Variants in CCNH observed in about 807,000 individuals in gnomAD.
CCNH encodes the protein cyclin-H.
In CCNH, 31 loss-of-function variants were observed where a neutral mutation model predicts 41.9. The ratio of observed to expected loss-of-function variants is 0.74; its 90% CI spans 0.56 to 1.00. CCNH has a LOEUF of 1.00. Ranked by LOEUF, CCNH falls within the 50% of genes least tolerant of loss-of-function variation. CCNH has a pLI of 0.00. For synonymous variants in CCNH, 138 were observed against 136.1 expected (o/e 1.01, Z -0.10); for missense variants, 362 against 388.4 (o/e 0.93, Z 0.57).
intron 2 of CCNH, 131 bp from the exon 3 acceptor site, chr5:87,409,494 T>C: frequency 1.9e-6 from 1 of 533,638 alleles, no homozygotes; most frequent in Non-Finnish European, 3.3e-6. Flanking sequence ...TACTCATTAA[T>C]TCTTCTTTAA....
downstream of CCNH, chr5:87,394,262 T>C: frequency 7.8e-7 from 1 of 1,283,688 alleles, no homozygotes; most frequent in Non-Finnish European, 9.9e-7. Context: ...TCAAAACAGG[T>C]GCTATTCTAG....
At position 87,346,799 on chromosome 5, in the gene CCNH, GT is replaced by G. The variant is rs1580320577; in HGVS notation, c.*91-27903del. Reference sequence around the variant, plus strand: ...AAAGTGAACAAACCATTTATCATGTGTTTTGCCTTTAGCATTCAGTTAGTGT... The same window carrying G: ...AAAGTGAACAAACCATTTATCATGTGTTTGCCTTTAGCATTCAGTTAGTGT... On this transcript the variant is annotated intron_variant and NMD_transcript_variant, in intron 9 of 9. Coordinates refer to the CCNH transcript ENST00000645953. 7 of 1,198,544 alleles carry G rather than the reference GT, an allele frequency of 5.8e-6. No homozygotes were observed. The East Asian group carries it at 1.7e-4, about 29-fold the overall frequency. 74.2% of individuals were successfully genotyped at this position (1,198,544 alleles called of 1,614,324 possible).
intron 5 of CCNH, among the ~76,000 whole-genome samples, 189 bp from the exon 6 acceptor site, chr5:87,401,961 CTTTAAG>C (rs1763455856): frequency 6.6e-6 from 1 of 152,088 alleles, no homozygotes; most frequent in East Asian, 1.9e-4. Flanking sequence ...TTTATTGTTC[CTTTAAG>C]TTTAGTGACA....
At chr5:87,338,536 A>ATATATATATATATATATTTTTTTT in intron 9 of CCNH, among the ~76,000 whole-genome samples, 2 of 85,218 alleles carry the variant, frequency 2.3e-5, no homozygotes, top group African/African-American at 4.4e-5. Flanking sequence ...TATATATAAA[A>ATATATATATATATATATTTTTTTT]TTTTTTTTTT....
upstream of CCNH, among the ~76,000 whole-genome samples, chr5:87,381,057 G>A (rs1451956582): frequency 1.3e-5 from 2 of 152,106 alleles, no homozygotes; most frequent in African/African-American, 2.4e-5. Flanking sequence ...ACCATAATTA[G>A]GAAGAACTGC....
At chr5:87,345,059 G>C (rs1033783647) in intron 9 of CCNH, among the ~76,000 whole-genome samples, 1 of 151,616 alleles carries the variant, frequency 6.6e-6, no homozygotes, top group Non-Finnish European at 1.5e-5. Context: ...GGCTGGTCTT[G>C]GACTCTTGGG....
intron 9 of CCNH, chr5:87,353,282 A>C (rs1288436417): frequency 6.9e-7 from 1 of 1,458,532 alleles, no homozygotes; most frequent in Admixed American, 1.7e-5. Context: ...TTATTTTAAA[A>C]TGCATTTTGG....
At chr5:87,388,217 C>A (rs1324090995), downstream of CCNH, among the ~76,000 whole-genome samples, 3 of 152,164 alleles carry the variant, frequency 2.0e-5, no homozygotes, top group Non-Finnish European at 4.4e-5. Flanking sequence ...CGCTATAAAC[C>A]TTTAATCACT....
downstream of CCNH, chr5:87,394,222 T>C (rs1178982223): frequency 1.7e-6 from 2 of 1,190,470 alleles, no homozygotes; most frequent in African/African-American, 1.6e-5. Context: ...CAGCTTTAAT[T>C]TGATATTAGT....
At chr5:87,380,676 T>G (rs1761646905), upstream of CCNH, 3 of 1,256,702 alleles carry the variant, frequency 2.4e-6, no homozygotes, top group Non-Finnish European at 3.5e-6. Context: ...CAATATACAA[T>G]TCAATGCTTT....
chr5:87,319,974 A>C (rs1756665114), intron 9 of CCNH, among the ~76,000 whole-genome samples: 1 of 152,222 alleles, frequency 6.6e-6, no homozygotes, highest in Non-Finnish European at 1.5e-5. Context: ...CACATCTTGA[A>C]TGCTTTGCTG....
intron 9 of CCNH, among the ~76,000 whole-genome samples, chr5:87,356,721 T>TTA (rs1759680105): frequency 6.6e-6 from 1 of 152,174 alleles, no homozygotes; most frequent in Admixed American, 6.5e-5. Context: ...GTGTACATTG[T>TTA]TAGACATAAT....
intron 9 of CCNH, among the ~76,000 whole-genome samples, chr5:87,320,634 T>C (rs1756722205): frequency 6.6e-6 from 1 of 152,102 alleles, no homozygotes; most frequent in Admixed American, 6.6e-5. Flanking sequence ...AAGGGGAAAT[T>C]TGCCTTCATG....
At chr5:87,397,609 A>G (rs903586925) in intron 7 of CCNH, among the ~76,000 whole-genome samples, 3 of 152,108 alleles carry the variant, frequency 2.0e-5, no homozygotes, top group Non-Finnish European at 2.9e-5. Flanking sequence ...TTTTTTAAAA[A>G]AGTCCTTCGC....
At position 87,394,628 on chromosome 5, in the gene CCNH, C is replaced by CTGTT. The variant is rs370919822; in HGVS notation, c.934-148_934-145dup. 1,875 of 1,467,724 alleles carry CTGTT rather than the reference C, an allele frequency of 1.3e-3. 2 individuals carry two copies. In the Middle Eastern group the frequency reaches 0.016, roughly 12 times the overall value. The allele number at this position is 1,467,724 out of a possible 1,614,324, so 90.9% of individuals were successfully genotyped here. ...AACCAGGAAATTTTGTAATAGTTCA[C>CTGTT]TGTTAGTAATGTTGGCATGGTCTCA... On this transcript the variant is annotated intron_variant, in intron 8 of 8. Transcript: ENST00000256897.
chr5:87,409,370 G>A lies in CCNH; in HGVS notation c.241-7C>T. ...AATACATACAAGCCGTACCCTAAGGGTTAAAAAAAATATATCATCAGGATC... is the reference window on the plus strand; with the variant it reads ...AATACATACAAGCCGTACCCTAAGGATTAAAAAAAATATATCATCAGGATC... On this transcript the variant is annotated splice_polypyrimidine_tract_variant and splice_region_variant and intron_variant, in intron 2 of 8. Coordinates refer to ENST00000256897, the MANE Select transcript of CCNH (RefSeq NM_001239.4). The A allele has an allele frequency of 6.7e-7, 1 of 1,488,364 alleles. No homozygotes were observed. Among genetic ancestry groups the A allele is most frequent in the East Asian group, 2.3e-5 (1 of 44,132 alleles). The allele number at this position is 1,488,364 out of a possible 1,614,324, so 92.2% of individuals were successfully genotyped here.
At chr5:87,333,468 T>C in intron 9 of CCNH, 2 of 1,380,120 alleles carry the variant, frequency 1.4e-6, no homozygotes, top group Non-Finnish European at 2.0e-6. Flanking sequence ...CTTTTGATAT[T>C]GGGTCTGTTG....
chr5:87,315,440 A>T (rs1039862374), downstream of CCNH, among the ~76,000 whole-genome samples: 10 of 152,186 alleles, frequency 6.6e-5, no homozygotes, highest in African/African-American at 2.4e-4. Flanking sequence ...TCTAATCCTC[A>T]CAAAGGTAGG....
rs1491365794 is a variant in CCNH at position 87,338,533 on chromosome 5, A to ATAT, written c.*91-19637_*91-19636insATA. On this transcript the variant is annotated intron_variant and NMD_transcript_variant, in intron 9 of 9. Transcript: ENST00000645953. ...TATATATATATATATATATATATAT[A>ATAT]AAATTTTTTTTTTTTTTAAGTAGAA... 6.5e-3 allele frequency among the ~76,000 whole-genome samples: 596 copies of ATAT among 91,106 alleles called. 20 individuals are homozygous for ATAT. The highest frequency in any genetic ancestry group is 0.013 in the Middle Eastern group (2 of 154). 59.8% of individuals were successfully genotyped at this position (91,106 alleles called of 152,430 possible).
Sources: gnomAD v4.1 joint callset for allele counts (sites outside exome capture counted in the v4.1 genomes callset) on GRCh38, gnomAD v4.1.1 for gene constraint, MANE v1.5 for transcripts, NCBI Gene and HGNC (gene_info 2026-07-23, HGNC 2026-07-21) for gene names.